ZNF385D: variants seen among roughly 807,000 people sequenced by gnomAD.
ZNF385D encodes zinc finger protein 659.
In ZNF385D, 15 loss-of-function variants were observed where a neutral mutation model predicts 35.8. The observed-to-expected ratio is 0.42, with a 90% CI of 0.28 to 0.64. ZNF385D has a LOEUF of 0.64. Among genes scored for constraint, ZNF385D ranks in the 30% least tolerant of loss-of-function variants. The pLI is 0.23. For missense variants in ZNF385D, 474 were observed against 494.6 expected (o/e 0.96, Z 0.39); for synonymous variants, 212 against 186.8 (o/e 1.13, Z -1.10).
At chr3:22,011,580 T>C (rs1696577581) in intron 3 of ZNF385D, among the ~76,000 whole-genome samples, 2 of 152,034 alleles carry the variant, frequency 1.3e-5, no homozygotes, top group Admixed American at 6.6e-5. Flanking sequence ...TAAAATAAGG[T>C]TGTGGATTAT....
At chr3:22,348,349 A>T (rs1366596189) in intron 2 of ZNF385D, among the ~76,000 whole-genome samples, 2 of 151,892 alleles carry the variant, frequency 1.3e-5, no homozygotes, top group African/African-American at 4.8e-5. Flanking sequence ...TAATAACCTT[A>T]TAAGAAGGGG....
intron 2 of ZNF385D, among the ~76,000 whole-genome samples, chr3:22,263,540 T>C (rs1445223810): frequency 9.2e-5 from 14 of 152,066 alleles, no homozygotes; most frequent in Admixed American, 9.2e-4. Context: ...TTTTTAAATT[T>C]ATTATACTTC....
chr3:22,351,204 T>TATAAA, intron 2 of ZNF385D, among the ~76,000 whole-genome samples: 1 of 152,118 alleles, frequency 6.6e-6, no homozygotes, highest in Admixed American at 6.5e-5. Flanking sequence ...AGAATTGGTT[T>TATAAA]TGTTTTCCAT....
At chr3:21,893,036 G>A (rs563363124) in intron 3 of ZNF385D, among the ~76,000 whole-genome samples, 23 of 152,264 alleles carry the variant, frequency 1.5e-4, no homozygotes, top group African/African-American at 5.5e-4. Flanking sequence ...CATAGGAGAA[G>A]AGAAGAAAAT....
At chr3:21,727,172 C>A (rs937100858) in intron 1 of ZNF385D, among the ~76,000 whole-genome samples, 8 of 151,982 alleles carry the variant, frequency 5.3e-5, no homozygotes, top group African/African-American at 1.7e-4. Flanking sequence ...AAAATTAACT[C>A]AAAAATGGAC....
chr3:21,766,968 G>C (rs764886166), intron 3 of ZNF385D, among the ~76,000 whole-genome samples: 7 of 151,992 alleles, frequency 4.6e-5, no homozygotes, highest in South Asian at 2.1e-4. Context: ...TGAGCTCAAT[G>C]GCCATATTTA....
intron 2 of ZNF385D, among the ~76,000 whole-genome samples, chr3:22,363,859 CAATT>C (rs1346303214): frequency 1.3e-5 from 2 of 151,984 alleles, no homozygotes; most frequent in Admixed American, 1.3e-4. Flanking sequence ...TTATACAACT[CAATT>C]AATTTTTACA....
intron 3 of ZNF385D, chr3:22,133,690 A>C (rs1160175626): frequency 2.0e-5 from 3 of 152,024 alleles, no homozygotes; most frequent in African/African-American, 7.2e-5. Flanking sequence ...TCAAGCAACT[A>C]TCAGAAGACT....
At chr3:21,679,789 T>C (rs962845543) in intron 1 of ZNF385D, among the ~76,000 whole-genome samples, 21 of 152,098 alleles carry the variant, frequency 1.4e-4, no homozygotes, top group African/African-American at 4.6e-4. Context: ...CTTACTTGAT[T>C]GACCTCGATA....
intron 2 of ZNF385D, among the ~76,000 whole-genome samples, chr3:22,345,449 A>T (rs779166825): frequency 6.6e-6 from 1 of 152,234 alleles, no homozygotes; most frequent in African/African-American, 2.4e-5. Context: ...TCCTTTATTA[A>T]GCAAATACCT....
chr3:22,006,843 A>C (rs1696240541), intron 3 of ZNF385D, among the ~76,000 whole-genome samples: 1 of 152,114 alleles, frequency 6.6e-6, no homozygotes, highest in South Asian at 2.1e-4. Context: ...AGTGATAAGT[A>C]GAAACTGATA....
chr3:22,371,969 C>A (rs1428801029), intron 2 of ZNF385D, among the ~76,000 whole-genome samples: 1 of 152,166 alleles, frequency 6.6e-6, no homozygotes, highest in Non-Finnish European at 1.5e-5. Context: ...AAGCAGGAAG[C>A]TGTCCCGCTG....
intron 1 of ZNF385D, among the ~76,000 whole-genome samples, chr3:21,731,206 T>G (rs1235680338): frequency 6.6e-6 from 1 of 152,218 alleles, no homozygotes; most frequent in Non-Finnish European, 1.5e-5. Flanking sequence ...TTCTTAAACA[T>G]TTACCAATCC....
At chr3:22,146,796 C>A (rs929463293) in intron 3 of ZNF385D, among the ~76,000 whole-genome samples, 1 of 151,980 alleles carries the variant, frequency 6.6e-6, no homozygotes, top group Non-Finnish European at 1.5e-5. Context: ...GCTGAGTAGA[C>A]CAAAATAATA....
At chr3:21,881,440 A>G (rs529300756) in intron 3 of ZNF385D, among the ~76,000 whole-genome samples, 4 of 151,996 alleles carry the variant, frequency 2.6e-5, no homozygotes, top group East Asian at 3.9e-4. Flanking sequence ...ATCTGTTTAC[A>G]TATTGATTTA....
intron 3 of ZNF385D, among the ~76,000 whole-genome samples, chr3:22,124,173 G>A (rs112975831): frequency 1.3e-5 from 2 of 151,800 alleles, no homozygotes; most frequent in South Asian, 2.1e-4. Flanking sequence ...TCCCACAAGT[G>A]AGAATATGTC....
At chr3:21,857,842 T>TCTGAGGGACAA (rs1696813175) in intron 3 of ZNF385D, among the ~76,000 whole-genome samples, 1 of 151,618 alleles carries the variant, frequency 6.6e-6, no homozygotes. Context: ...GATGAAACGA[T>TCTGAGGGACAA]CTGAGGGACA....
chr3:22,293,041 G>C (rs1366256115), intron 2 of ZNF385D, among the ~76,000 whole-genome samples: 1 of 152,078 alleles, frequency 6.6e-6, no homozygotes, highest in Non-Finnish European at 1.5e-5. Flanking sequence ...GAAGCTGTAA[G>C]TTAGTAGTAT....
At chr3:22,124,907 A>C (rs1576361152) in intron 3 of ZNF385D, among the ~76,000 whole-genome samples, 1 of 152,114 alleles carries the variant, frequency 6.6e-6, no homozygotes, top group Non-Finnish European at 1.5e-5. Context: ...GCTGCATAGA[A>C]GCTTTTTAAT....
Sources: allele counts gnomAD v4.1 joint callset (sites outside exome capture counted in the v4.1 genomes callset), GRCh38; gene constraint gnomAD v4.1.1; transcripts MANE v1.5; gene names NCBI Gene and HGNC (gene_info 2026-07-23, HGNC 2026-07-21).